The following COL5A2 variants were observed in gnomAD, a reference collection of about 807,000 sequenced individuals.
COL5A2 encodes collagen alpha-2(V) chain.
In COL5A2, 23 loss-of-function variants were observed where a neutral mutation model predicts 208.2. The observed-to-expected ratio is 0.11, with a 90% confidence interval of 0.08 to 0.16. COL5A2 has a LOEUF of 0.16. COL5A2 is among the 10% of genes least tolerant of loss of function. The pLI, the probability that COL5A2 is intolerant of heterozygous loss-of-function variation, is 1.00. For synonymous variants in COL5A2, 625 were observed against 628.5 expected, an observed-to-expected ratio of 0.99 and a Z score of 0.08; for missense variants, 1,590 against 1,956.4, an observed-to-expected ratio of 0.81 and a Z score of 3.53.
the COL5A2 span, among the ~76,000 whole-genome samples, chr2:189,437,548 G>A: frequency 2.0e-5 from 3 of 152,176 alleles, no homozygotes; most frequent in Non-Finnish European, 4.4e-5. Flanking sequence ...AGCCAAAACA[G>A]AAAAGGTGTA....
chr2:189,114,768 G>A (rs1337143126), intron 1 of COL5A2, among the ~76,000 whole-genome samples: 1 of 151,906 alleles, frequency 6.6e-6, no homozygotes, highest in African/African-American at 2.4e-5. Flanking sequence ...TAATACCTAG[G>A]TGATGGGCTG....
At chr2:189,144,098 GT>G (rs1687991837) in intron 1 of COL5A2, among the ~76,000 whole-genome samples, 1 of 152,128 alleles carries the variant, frequency 6.6e-6, no homozygotes, top group Non-Finnish European at 1.5e-5. Flanking sequence ...ATGGCAAGGG[GT>G]GTGGACATTC....
chr2:189,311,583 G>C, the COL5A2 span: 1 of 1,218,126 alleles, frequency 8.2e-7, no homozygotes, highest in Non-Finnish European at 1.2e-6. Flanking sequence ...ACCTCCCTCA[G>C]GCTGTTCTCC....
chr2:189,128,102 C>G (rs1687643510), intron 1 of COL5A2, among the ~76,000 whole-genome samples: 1 of 151,994 alleles, frequency 6.6e-6, no homozygotes, highest in South Asian at 2.1e-4. Flanking sequence ...GCCACAGTAC[C>G]TGATGTAGCT....
intron 1 of COL5A2, among the ~76,000 whole-genome samples, chr2:189,177,679 T>A (rs1335324239): frequency 6.6e-6 from 1 of 152,174 alleles, no homozygotes; most frequent in African/African-American, 2.4e-5. Context: ...CGGGGGGTAC[T>A]GGGGTTGGAT....
the COL5A2 span, among the ~76,000 whole-genome samples, chr2:189,319,411 C>T: frequency 1.3e-5 from 2 of 152,252 alleles, no homozygotes; most frequent in African/African-American, 4.8e-5. Flanking sequence ...AATTCCCTTT[C>T]ATAGCCAAGC....
the COL5A2 span, among the ~76,000 whole-genome samples, chr2:189,387,799 A>C: frequency 6.6e-6 from 1 of 152,170 alleles, no homozygotes; most frequent in African/African-American, 2.4e-5. Context: ...CAGTATTCTC[A>C]AAGTTTTATA....
the COL5A2 span, among the ~76,000 whole-genome samples, chr2:189,355,666 T>A: frequency 6.6e-6 from 1 of 152,218 alleles, no homozygotes; most frequent in Non-Finnish European, 1.5e-5. Flanking sequence ...TTTGAGCCTA[T>A]GTATGTCTTG....
the COL5A2 span, among the ~76,000 whole-genome samples, chr2:189,337,339 C>T: frequency 2.6e-5 from 4 of 151,522 alleles, no homozygotes; most frequent in Admixed American, 6.6e-5. Flanking sequence ...CCCGCCACTA[C>T]GCCCGGCTAA....
chr2:189,317,418 C>T, the COL5A2 span, among the ~76,000 whole-genome samples: 1 of 152,062 alleles, frequency 6.6e-6, no homozygotes, highest in Non-Finnish European at 1.5e-5. Context: ...GCTAACACTT[C>T]TATAATTCTT....
chr2:189,117,816 C>G (rs1196451108), intron 1 of COL5A2, among the ~76,000 whole-genome samples: 1 of 151,928 alleles, frequency 6.6e-6, no homozygotes, highest in Non-Finnish European at 1.5e-5. Context: ...TTTGTCACCC[C>G]ATGATAGAAT....
At chr2:189,048,305 G>GA (rs1473974208) in intron 44 of COL5A2, 43 bp from the exon 45 acceptor site, 5 of 1,566,776 alleles carry the variant, frequency 3.2e-6, no homozygotes, top group East Asian at 2.2e-5. Flanking sequence ...ACTGAGTAAT[G>GA]AAAAAAATCC....
the COL5A2 span, among the ~76,000 whole-genome samples, chr2:189,391,667 T>A: frequency 2.0e-5 from 3 of 152,160 alleles, no homozygotes; most frequent in Non-Finnish European, 4.4e-5. Flanking sequence ...TAGAAGGAAG[T>A]CATTCCTTCT....
the COL5A2 span, among the ~76,000 whole-genome samples, chr2:189,325,138 AG>A: frequency 6.7e-6 from 1 of 149,966 alleles, no homozygotes; most frequent in African/African-American, 2.4e-5. Flanking sequence ...GGACACGGGA[AG>A]GGGAACATCA....
the COL5A2 span, among the ~76,000 whole-genome samples, chr2:189,431,122 A>G: frequency 6.6e-6 from 1 of 152,208 alleles, no homozygotes; most frequent in Non-Finnish European, 1.5e-5. Flanking sequence ...AAGGAAAACT[A>G]ACAAACAGAA....
chr2:189,371,541 T>C, the COL5A2 span, among the ~76,000 whole-genome samples: 2 of 152,332 alleles, frequency 1.3e-5, no homozygotes, highest in African/African-American at 2.4e-5. Flanking sequence ...AAGAAATTTA[T>C]TGGGAACTGG....
intron 1 of COL5A2, among the ~76,000 whole-genome samples, chr2:189,153,028 T>C (rs1688175934): frequency 6.6e-6 from 1 of 152,186 alleles, no homozygotes; most frequent in Non-Finnish European, 1.5e-5. Context: ...ATTTTTTGTA[T>C]TTTCTCATCT....
chr2:189,401,331 C>T, the COL5A2 span, among the ~76,000 whole-genome samples: 1 of 152,160 alleles, frequency 6.6e-6, no homozygotes, highest in Admixed American at 6.5e-5. Context: ...TTTTCTATTA[C>T]CATGTTAGTT....
the COL5A2 span, among the ~76,000 whole-genome samples, chr2:189,258,612 T>C: frequency 6.6e-6 from 1 of 152,192 alleles, no homozygotes; most frequent in Non-Finnish European, 1.5e-5. Context: ...CTAAGTCCTG[T>C]CCTCAAAATG....
Sources: gnomAD v4.1 joint callset for allele counts (sites outside exome capture counted in the v4.1 genomes callset) on GRCh38, gnomAD v4.1.1 for gene constraint, MANE v1.5 for transcripts, NCBI Gene and HGNC (gene_info 2026-07-23, HGNC 2026-07-21) for gene names.